The following EYS variants were observed in gnomAD, a reference collection of about 807,000 sequenced individuals.
EYS encodes the protein protein eyes shut homolog.
Under a neutral mutation model 282.1 loss-of-function variants are expected in EYS, and 250 were observed. The observed-to-expected ratio is 0.89, with a 90% confidence interval of 0.80 to 0.98. The LOEUF is 0.98. Ranked by LOEUF, EYS falls within the 50% of genes least tolerant of loss-of-function variation. The pLI, the probability that EYS is intolerant of heterozygous loss-of-function variation, is 0.00. For synonymous variants in EYS, 1,355 were observed against 1,282.9 expected (o/e 1.06, Z -1.20); for missense variants, 4,016 against 3,709.0 (o/e 1.08, Z -2.15).
chr6:65,592,098 A>G (rs1765252127), intron 2 of EYS, among the ~76,000 whole-genome samples: 1 of 152,026 alleles, frequency 6.6e-6, no homozygotes, highest in South Asian at 2.1e-4. Flanking sequence ...TCATCTTAAT[A>G]TTCACTAATT....
intron 35 of EYS, among the ~76,000 whole-genome samples, chr6:63,978,320 T>A (rs2149788350): frequency 6.6e-6 from 1 of 152,068 alleles, no homozygotes; most frequent in Non-Finnish European, 1.5e-5. Context: ...CAGTGGGAGA[T>A]GTTTGGAGGT....
intron 36 of EYS, among the ~76,000 whole-genome samples, chr6:63,812,050 A>G (rs1310868456): frequency 2.0e-5 from 3 of 152,162 alleles, no homozygotes; most frequent in Admixed American, 6.5e-5. Flanking sequence ...TCTTTTCCGT[A>G]TTGTAGCCAA....
At chr6:65,682,057 C>T (rs1161746783) in intron 1 of EYS, among the ~76,000 whole-genome samples, 1 of 151,976 alleles carries the variant, frequency 6.6e-6, no homozygotes, top group Non-Finnish European at 1.5e-5. Flanking sequence ...CCTTTTGTTT[C>T]AGTGGTGTTG....
At chr6:64,390,433 G>A (rs954050238) in intron 28 of EYS, among the ~76,000 whole-genome samples, 3 of 152,092 alleles carry the variant, frequency 2.0e-5, no homozygotes, top group Non-Finnish European at 4.4e-5. Context: ...ATCTCAGAAC[G>A]GGCAGACTGC....
chr6:65,578,059 AG>A (rs1168530645), intron 2 of EYS, among the ~76,000 whole-genome samples: 1 of 151,894 alleles, frequency 6.6e-6, no homozygotes, highest in Non-Finnish European at 1.5e-5. Flanking sequence ...TAAATGATCC[AG>A]GAATCTAACC....
chr6:64,996,330 A>C lies in EYS; in HGVS notation c.2259+1252T>G, dbSNP rs114644172. On this transcript the variant is annotated intron_variant, in intron 14 of 42. Coordinates refer to ENST00000503581, the MANE Select transcript of EYS (RefSeq NM_001142800.2). ...TAATAGTGATAGTCTAATCAACTAT[A>C]CCCCCCCATCTTGCTTTAGGGCCTC... Among the ~76,000 whole-genome samples, 519 of 152,074 alleles carry C rather than the reference A, an allele frequency of 3.4e-3. 1 individual carries two copies. The highest frequency in any genetic ancestry group is 0.011 in the African/African-American group (464 of 41,486).
chr6:64,775,651 A>G (rs1773656319), intron 22 of EYS, among the ~76,000 whole-genome samples: 1 of 152,056 alleles, frequency 6.6e-6, no homozygotes, highest in South Asian at 2.1e-4. Context: ...CTTAAGAGTA[A>G]TCCTACCTAT....
intron 34 of EYS, among the ~76,000 whole-genome samples, chr6:63,991,722 G>C (rs1361183843): frequency 6.6e-6 from 1 of 151,488 alleles, no homozygotes; most frequent in African/African-American, 2.4e-5. Context: ...CATAAATATG[G>C]GGAAGAAAAT....
intron 12 of EYS, among the ~76,000 whole-genome samples, chr6:65,202,060 C>T (rs1351899700): frequency 6.6e-6 from 1 of 151,690 alleles, no homozygotes; most frequent in African/African-American, 2.4e-5. Flanking sequence ...TACAGTGAAC[C>T]AAGATTGCAC....
intron 31 of EYS, among the ~76,000 whole-genome samples, chr6:64,147,287 T>G (rs148812664): frequency 6.6e-6 from 1 of 152,178 alleles, no homozygotes; most frequent in African/African-American, 2.4e-5. Flanking sequence ...ATGGACCTAT[T>G]GAACACCCTG....
chr6:65,399,406 A>G (rs1766408964), intron 7 of EYS, among the ~76,000 whole-genome samples: 1 of 151,996 alleles, frequency 6.6e-6, no homozygotes, highest in African/African-American at 2.4e-5. Context: ...AACAAATTAT[A>G]TAATGAATCA....
intron 35 of EYS, among the ~76,000 whole-genome samples, chr6:63,941,844 G>A (rs879809237): frequency 3.9e-5 from 6 of 152,226 alleles, no homozygotes; most frequent in African/African-American, 1.4e-4. Context: ...CCAGTCTTTC[G>A]GTTGTGCAAC....
chr6:64,378,560 G>T (rs182270961), intron 29 of EYS, among the ~76,000 whole-genome samples: 2 of 152,110 alleles, frequency 1.3e-5, no homozygotes, highest in African/African-American at 4.8e-5. Context: ...TATCAATGCT[G>T]GGGGGAAACT....
In EYS at chr6:64,255,554, T is replaced by G. The variant is rs1194897834; in HGVS notation, c.6192-24730A>C. Among the ~76,000 whole-genome samples, 4 of 152,098 alleles carry G rather than the reference T, an allele frequency of 2.6e-5. No homozygotes were observed. In the East Asian group the frequency reaches 7.7e-4, roughly 29 times the overall value. On this transcript the variant is annotated intron_variant, in intron 30 of 42. Coordinates refer to ENST00000503581, the MANE Select transcript of EYS (RefSeq NM_001142800.2). ...TTTAAAAAAGTTCAAGACATTTTGA[T>G]TTGTTTCTAATTGGATTAAACAGAT...
At chr6:64,294,509 C>T (rs946366956) in intron 30 of EYS, among the ~76,000 whole-genome samples, 3 of 152,120 alleles carry the variant, frequency 2.0e-5, no homozygotes, top group Non-Finnish European at 2.9e-5. Flanking sequence ...AGACTACATT[C>T]CCTGTAATAA....
intron 22 of EYS, among the ~76,000 whole-genome samples, chr6:64,727,574 G>A (rs879655144): frequency 6.6e-5 from 10 of 151,556 alleles, no homozygotes; most frequent in Non-Finnish European, 1.2e-4. Context: ...ATTATTTTCC[G>A]GAAAAACAAT....
At chr6:65,436,461 AAAG>A (rs1167944284) in intron 5 of EYS, among the ~76,000 whole-genome samples, 1 of 152,152 alleles carries the variant, frequency 6.6e-6, no homozygotes, top group Non-Finnish European at 1.5e-5. Context: ...CAAGAAGAAA[AAAG>A]AAGAAAAAAA....
At chr6:64,254,977 A>G (rs866824532) in intron 30 of EYS, among the ~76,000 whole-genome samples, 8 of 152,152 alleles carry the variant, frequency 5.3e-5, no homozygotes, top group African/African-American at 1.7e-4. Flanking sequence ...ACCTACCCAG[A>G]AAACAAATTT....
intron 29 of EYS, among the ~76,000 whole-genome samples, chr6:64,363,254 A>G (rs1772076676): frequency 6.6e-6 from 1 of 151,960 alleles, no homozygotes; most frequent in South Asian, 2.1e-4. Context: ...TGTAAGATAT[A>G]CATTTTTTTA....
Sources: allele counts gnomAD v4.1 joint callset (sites outside exome capture counted in the v4.1 genomes callset), GRCh38; gene constraint gnomAD v4.1.1; transcripts MANE v1.5; gene names NCBI Gene and HGNC (gene_info 2026-07-23, HGNC 2026-07-21).